The following UNC79 variants were observed in gnomAD, a reference collection of about 807,000 sequenced individuals.
UNC79 encodes protein unc-79 homolog.
Under a neutral mutation model 283.1 loss-of-function variants are expected in UNC79, and 37 were observed. The ratio of observed to expected loss-of-function variants is 0.13; its 90% CI spans 0.10 to 0.17. UNC79 has a LOEUF of 0.17. Among genes scored for constraint, UNC79 ranks in the 10% least tolerant of loss-of-function variants. The pLI, the probability that UNC79 is intolerant of heterozygous loss-of-function variation, is 1.00. For synonymous variants in UNC79, 1,107 were observed against 1,200.2 expected, an observed-to-expected ratio of 0.92 and a Z score of 1.61; for missense variants, 2,272 against 3,211.1, an observed-to-expected ratio of 0.71 and a Z score of 7.07.
Position 93,691,489 on chromosome 14 carries a change from T to C in UNC79, c.7273-260T>C, listed in dbSNP as rs2074696409. On this transcript the variant is annotated intron_variant, in intron 45 of 48. Transcript: ENST00000555664. The stretch of plus-strand genomic sequence containing the variant: ...TCAGTTTCATTAAAGGGCAAGGGGG[T>C]GGGTAGATTTCTTCAGCAAATTAAG... 3 of 557,426 alleles carry C rather than the reference T, an allele frequency of 5.4e-6. No homozygotes were observed. In the South Asian group the frequency reaches 7.1e-5, roughly 13 times the overall value. The allele number at this position is 557,426 out of a possible 1,614,324, so 34.5% of individuals were successfully genotyped here.
chr14:93,442,132 T>A lies in UNC79; in HGVS notation c.22+11081T>A, dbSNP rs564007759. Among the ~76,000 whole-genome samples the A allele has an allele frequency of 1.2e-4, 19 of 152,314 alleles. No individual in the cohort carries two copies. The South Asian group carries it at 3.1e-3, about 25-fold the overall frequency. Reference sequence around the variant, plus strand: ...TTCTTAGTGGCTTAGTCTTTTTTTTTAATCTCCTTTTAAGTAGCCTTAACT... The same window carrying A: ...TTCTTAGTGGCTTAGTCTTTTTTTTAAATCTCCTTTTAAGTAGCCTTAACT... On this transcript the variant is annotated intron_variant, in intron 1 of 48. Transcript: ENST00000555664.
At chr14:93,567,771 A>G (rs2062980625) in intron 14 of UNC79, among the ~76,000 whole-genome samples, 1 of 152,214 alleles carries the variant, frequency 6.6e-6, no homozygotes, top group Non-Finnish European at 1.5e-5. Flanking sequence ...TAGAAAGTTT[A>G]TTTTGCCAAG....
In UNC79 at chr14:93,404,493, A is replaced by AAAAAAAATATATATATATATAT; in HGVS notation, c.-350-63177_-350-63176insAAAAAATATATATATATATATA. On this transcript the variant is annotated intron_variant, in intron 1 of 49. Coordinates refer to the UNC79 transcript ENST00000256339. ...TGACAGAGTGAGACCTTCTAAAAAA[A>AAAAAAAATATATATATATATAT]ATATATATATATATATATATAAATA... Among the ~76,000 whole-genome samples, 88 of 61,482 alleles carry AAAAAAAATATATATATATATAT rather than the reference A, an allele frequency of 1.4e-3. 1 individual carries two copies. The highest frequency in any genetic ancestry group is 2.0e-3 in the Non-Finnish European group (62 of 31,156). The allele number at this position is 61,482 out of a possible 152,430, so 40.3% of individuals were successfully genotyped here.
chr14:93,470,604 A>G (rs766191678), intron 2 of UNC79, among the ~76,000 whole-genome samples: 23 of 152,282 alleles, frequency 1.5e-4, no homozygotes, highest in Non-Finnish European at 2.6e-4. Context: ...CTTTAGTCCA[A>G]ATTTCATCCA....
At chr14:93,706,751 C>T (rs763106730) in exon 49 of UNC79, 13 of 1,614,140 alleles carry the variant, frequency 8.1e-6, no homozygotes, top group South Asian at 5.5e-5. Flanking sequence ...TTCAGAACCA[C>T]GTGAACCACC....
intron 7 of UNC79, among the ~76,000 whole-genome samples, chr14:93,518,089 C>T (rs565263945): frequency 6.6e-6 from 1 of 152,084 alleles, no homozygotes; most frequent in South Asian, 2.1e-4. Flanking sequence ...TCATCTGGTT[C>T]CATTTACAGA....
intron 1 of UNC79, among the ~76,000 whole-genome samples, chr14:93,340,425 G>A (rs1289282973): frequency 8.4e-6 from 1 of 118,982 alleles, no homozygotes; most frequent in Admixed American, 1.1e-4. Flanking sequence ...CTGGGCGACA[G>A]AGCAAAACGC....
rs80047349 is a variant in UNC79 at position 93,583,544 on chromosome 14, T to C, written c.2803+1200T>C. ...GCTTCTCCATGGATCATATGAACAG[T>C]GAATTGTGTATGAATATCTCAGCTC... On this transcript the variant is annotated intron_variant, in intron 20 of 48. Transcript: ENST00000555664. 4.2e-3 allele frequency among the ~76,000 whole-genome samples: 643 copies of C among 152,318 alleles called. 3 individuals carry two copies. Among genetic ancestry groups the C allele is most frequent in the African/African-American group, 0.015 (614 of 41,578 alleles).
chr14:93,639,380 T>C (rs916082987), intron 32 of UNC79, among the ~76,000 whole-genome samples: 8 of 152,210 alleles, frequency 5.3e-5, no homozygotes, highest in Admixed American at 2.6e-4. Flanking sequence ...AGCAACTTCA[T>C]GCGGTTTACC....
intron 14 of UNC79, 43 bp downstream of exon 14, chr14:93,542,739 C>A: frequency 1.9e-6 from 3 of 1,603,010 alleles, no homozygotes; most frequent in Non-Finnish European, 1.7e-6. Flanking sequence ...GAGAGGAGGA[C>A]TTGGGGAGAA....
In UNC79 at chr14:93,419,799, G is replaced by T. The variant is rs991266887; in HGVS notation, c.-350-47872G>T. 1.3e-5 allele frequency among the ~76,000 whole-genome samples: 2 copies of T among 151,552 alleles called. 1 individual carries two copies. The highest frequency in any genetic ancestry group is 2.9e-5 in the Non-Finnish European group (2 of 67,840). Reference sequence around the variant, plus strand: ...GCTATCATGGCCAGGTGTGGTGGCTGACCCCTGTAATACTAGCACTTTAGG... The same window carrying T: ...GCTATCATGGCCAGGTGTGGTGGCTTACCCCTGTAATACTAGCACTTTAGG... On this transcript the variant is annotated intron_variant, in intron 1 of 49. Coordinates refer to the UNC79 transcript ENST00000256339.
chr14:93,537,273 G>A (rs2061137330), intron 11 of UNC79, among the ~76,000 whole-genome samples: 1 of 152,350 alleles, frequency 6.6e-6, no homozygotes, highest in East Asian at 1.9e-4. Flanking sequence ...ACTTGGAAAT[G>A]TCTTACGCTC....
At chr14:93,669,663 G>C (rs1566896129) in intron 40 of UNC79, among the ~76,000 whole-genome samples, 1 of 152,036 alleles carries the variant, frequency 6.6e-6, no homozygotes, top group South Asian at 2.1e-4. Context: ...TGGGTAACAT[G>C]GCAAAACCTC....
chr14:93,448,354 T>C (rs1416087895), intron 1 of UNC79, among the ~76,000 whole-genome samples: 2 of 152,174 alleles, frequency 1.3e-5, no homozygotes, highest in African/African-American at 4.8e-5. Context: ...CATCTTGTTC[T>C]TCTTGCATGA....
intron 23 of UNC79, among the ~76,000 whole-genome samples, chr14:93,597,136 G>T (rs890625963): frequency 6.6e-6 from 1 of 152,202 alleles, no homozygotes; most frequent in Non-Finnish European, 1.5e-5. Flanking sequence ...GGAAAAAAAA[G>T]TTCTGCTCTG....
At chr14:93,413,950 G>A (rs926747722) in intron 1 of UNC79, among the ~76,000 whole-genome samples, 5 of 150,046 alleles carry the variant, frequency 3.3e-5, no homozygotes, top group African/African-American at 1.2e-4. Context: ...TGAGTAGGTT[G>A]TGAAAATTTT....
intron 34 of UNC79, 49 bp downstream of exon 37, chr14:93,643,746 C>T (rs1160692637): frequency 6.3e-7 from 1 of 1,595,680 alleles, no homozygotes; most frequent in Admixed American, 1.8e-5. Flanking sequence ...TTTATTCAGT[C>T]TCTATCTTGA....
intron 40 of UNC79, among the ~76,000 whole-genome samples, chr14:93,667,135 G>A (rs2072289604): frequency 6.6e-6 from 1 of 151,052 alleles, no homozygotes; most frequent in South Asian, 2.1e-4. Flanking sequence ...AAGGAAGGAA[G>A]GAGAGAGAGA....
intron 29 of UNC79, among the ~76,000 whole-genome samples, chr14:93,619,323 T>C (rs887769413): frequency 6.6e-6 from 1 of 152,234 alleles, no homozygotes; most frequent in Non-Finnish European, 1.5e-5. Flanking sequence ...GTTTTCAGCG[T>C]GGGCTTAGTG....
Sources: gnomAD v4.1 joint callset for allele counts (sites outside exome capture counted in the v4.1 genomes callset) on GRCh38, gnomAD v4.1.1 for gene constraint, MANE v1.5 for transcripts, NCBI Gene and HGNC (gene_info 2026-07-23, HGNC 2026-07-21) for gene names.